GATAD2A: variants seen among roughly 807,000 people sequenced by gnomAD.
GATAD2A encodes the protein GATA zinc finger domain containing 2A.
Under a neutral mutation model 68.5 loss-of-function variants are expected in GATAD2A, and 12 were observed. The observed-to-expected ratio is 0.18, with a 90% CI of 0.11 to 0.28. The LOEUF is 0.28. GATAD2A is among the 10% of genes least tolerant of loss of function. The probability of loss-of-function intolerance (pLI) is 1.00; values close to 1 mark genes in which losing one functional copy is unlikely to be tolerated. For synonymous variants in GATAD2A, 410 were observed against 375.3 expected, an observed-to-expected ratio of 1.09 and a Z score of -1.07; for missense variants, 755 against 868.5, an observed-to-expected ratio of 0.87 and a Z score of 1.64.
chr19:19,418,875 T>G (rs932909074), intron 1 of GATAD2A, among the ~76,000 whole-genome samples: 1 of 152,112 alleles, frequency 6.6e-6, no homozygotes, highest in African/African-American at 2.4e-5. Context: ...GATTTGCCAC[T>G]TGGGTAAAAA....
chr19:19,482,067 A>G (rs1395817760), intron 2 of GATAD2A, among the ~76,000 whole-genome samples: 1 of 151,930 alleles, frequency 6.6e-6, no homozygotes, highest in Non-Finnish European at 1.5e-5. Flanking sequence ...TGATTGTACC[A>G]TTGCACTCCA....
upstream of GATAD2A, among the ~76,000 whole-genome samples, chr19:19,404,735 G>T (rs565420915): frequency 3.3e-5 from 5 of 152,274 alleles, no homozygotes; most frequent in South Asian, 8.3e-4. Flanking sequence ...TTTATGTTTG[G>T]TGAAACTTTT....
At chr19:19,390,918 T>C (rs2048802645) in intron 1 of GATAD2A, among the ~76,000 whole-genome samples, 2 of 152,026 alleles carry the variant, frequency 1.3e-5, no homozygotes, top group African/African-American at 4.8e-5. Context: ...TAATAGTACT[T>C]TGAGAGGGCC....
At chr19:19,410,374 T>G (rs2050778027) in intron 1 of GATAD2A, among the ~76,000 whole-genome samples, 1 of 152,036 alleles carries the variant, frequency 6.6e-6, no homozygotes, top group Non-Finnish European at 1.5e-5. Flanking sequence ...TGGTCAAGGC[T>G]TCAGGGCTTT....
chr19:19,386,756 C>G (rs930444174), intron 1 of GATAD2A, among the ~76,000 whole-genome samples: 1 of 152,082 alleles, frequency 6.6e-6, no homozygotes, highest in Non-Finnish European at 1.5e-5. Context: ...CCCCGCCTCT[C>G]TGAGGACCCC....
At chr19:19,386,480 C>T (rs988711843) in intron 1 of GATAD2A, among the ~76,000 whole-genome samples, 3 of 151,912 alleles carry the variant, frequency 2.0e-5, no homozygotes, top group African/African-American at 4.8e-5. Flanking sequence ...TAGCGACCCC[C>T]ACCTTTCTAG....
At chr19:19,487,453 G>A (rs568065939) in intron 2 of GATAD2A, among the ~76,000 whole-genome samples, 8 of 151,876 alleles carry the variant, frequency 5.3e-5, no homozygotes, top group East Asian at 1.9e-4. Flanking sequence ...GTGGGGTGCC[G>A]TGCAGGGAGC....
intron 11 of GATAD2A, among the ~76,000 whole-genome samples, chr19:19,504,757 T>TC (rs1168952823): frequency 2.7e-5 from 4 of 149,392 alleles, no homozygotes; most frequent in African/African-American, 9.8e-5. Context: ...CAAGCAATCC[T>TC]CCCACCTCAG....
chr19:19,477,674 T>C (rs1158467971), intron 2 of GATAD2A, among the ~76,000 whole-genome samples: 2 of 152,174 alleles, frequency 1.3e-5, no homozygotes, highest in African/African-American at 2.4e-5. Flanking sequence ...GACTGGGCCT[T>C]GGGTTTGGGA....
At chr19:19,463,332 G>A (rs2057610705) in intron 1 of GATAD2A, among the ~76,000 whole-genome samples, 1 of 152,194 alleles carries the variant, frequency 6.6e-6, no homozygotes, top group Non-Finnish European at 1.5e-5. Flanking sequence ...CAGTTCAGAT[G>A]GGGTTTATGG....
intron 1 of GATAD2A, among the ~76,000 whole-genome samples, chr19:19,463,280 C>A (rs986063939): frequency 3.9e-5 from 6 of 152,188 alleles, no homozygotes; most frequent in Non-Finnish European, 8.8e-5. Context: ...AGTGACTTAT[C>A]TGTGGTCTCA....
intron 1 of GATAD2A, among the ~76,000 whole-genome samples, chr19:19,419,281 C>T (rs1283190298): frequency 6.6e-6 from 1 of 152,156 alleles, no homozygotes; most frequent in Admixed American, 6.6e-5. Flanking sequence ...TAGTTTATGA[C>T]CCAGGCCGGG....
At chr19:19,412,159 T>C (rs1365763001) in intron 1 of GATAD2A, among the ~76,000 whole-genome samples, 1 of 151,648 alleles carries the variant, frequency 6.6e-6, no homozygotes, top group Non-Finnish European at 1.5e-5. Context: ...TAATTTTTTT[T>C]TTAATTTTTT....
chr19:19,400,332 G>A (rs2049616126), intron 1 of GATAD2A, among the ~76,000 whole-genome samples: 1 of 152,196 alleles, frequency 6.6e-6, no homozygotes, highest in Admixed American at 6.6e-5. Context: ...CTGCGCTGCA[G>A]AAACACTGAG....
intron 2 of GATAD2A, among the ~76,000 whole-genome samples, chr19:19,483,272 T>C (rs1222140507): frequency 2.0e-5 from 3 of 152,188 alleles, no homozygotes; most frequent in African/African-American, 7.2e-5. Flanking sequence ...ACTGTGGCAG[T>C]GCTCACCATA....
At chr19:19,433,199 A>G (rs773339854) in intron 1 of GATAD2A, among the ~76,000 whole-genome samples, 13 of 152,172 alleles carry the variant, frequency 8.5e-5, no homozygotes, top group East Asian at 1.9e-4. Flanking sequence ...CCCCTGCCCC[A>G]GGAAGATGTG....
At chr19:19,466,233 G>A (rs2057854889) in intron 2 of GATAD2A, among the ~76,000 whole-genome samples, 1 of 152,122 alleles carries the variant, frequency 6.6e-6, no homozygotes, top group African/African-American at 2.4e-5. Context: ...ATAAAAATAA[G>A]ACCCAATCTA....
chr19:19,507,753 CTT>C lies in GATAD2A; in HGVS notation c.*2289_*2290del, dbSNP rs55702467. The C allele has an allele frequency of 0.42, 62,930 of 150,554 alleles. 14,032 individuals are homozygous for C. Among genetic ancestry groups the C allele is most frequent in the African/African-American group, 0.57 (23,583 of 41,192 alleles). 9.3% of individuals were successfully genotyped at this position (150,554 alleles called of 1,614,324 possible). ...GACAACGTACATACTGTGATGTAAA[CTT>C]TTTTTTTTTCCCCCCAGGGGGCAAA... On this transcript the variant is annotated 3_prime_UTR_variant, in exon 12 of 12. Transcript: ENST00000683918.
chr19:19,501,884 G>C, intron 9 of GATAD2A, 85 bp from the exon 10 acceptor site: 1 of 1,010,254 alleles, frequency 9.9e-7, no homozygotes, highest in Non-Finnish European at 1.6e-6. Flanking sequence ...CCAGGGGACG[G>C]GCCTGTCCTG....
Sources: allele counts gnomAD v4.1 joint callset (sites outside exome capture counted in the v4.1 genomes callset), GRCh38; gene constraint gnomAD v4.1.1; transcripts MANE v1.5; gene names NCBI Gene and HGNC (gene_info 2026-07-23, HGNC 2026-07-21).